Variants in FKTN observed in about 807,000 individuals in gnomAD.
The protein encoded by FKTN is ribitol-5-phosphate transferase FKTN.
FKTN carries 47 observed loss-of-function variants against 58.6 expected under a neutral mutation model. That is an observed-to-expected ratio of 0.80 (90% CI 0.63 to 1.02). FKTN has a LOEUF of 1.02. Among genes scored for constraint, FKTN ranks in the 50% least tolerant of loss-of-function variants. The pLI is 0.00. For synonymous variants in FKTN, 178 were observed against 191.9 expected, an observed-to-expected ratio of 0.93 and a Z score of 0.60; for missense variants, 516 against 537.3, an observed-to-expected ratio of 0.96 and a Z score of 0.39.
At chr9:105,606,977 T>G (rs1238709912) in intron 6 of FKTN, among the ~76,000 whole-genome samples, 1 of 151,894 alleles carries the variant, frequency 6.6e-6, no homozygotes, top group African/African-American at 2.4e-5. Context: ...TTTTTGCCTG[T>G]TTTTTTCTTA....
intron 8 of FKTN, among the ~76,000 whole-genome samples, chr9:105,616,428 T>G (rs1830827999): frequency 6.6e-6 from 1 of 152,300 alleles, no homozygotes; most frequent in Non-Finnish European, 1.5e-5. Flanking sequence ...TATCACTAAC[T>G]AGACATCACT....
chr9:105,607,676 G>A, intron 6 of FKTN, 143 bp from the exon 7 acceptor site: 1 of 679,676 alleles, frequency 1.5e-6, no homozygotes, highest in Admixed American at 2.1e-5. Context: ...TGTTACATAG[G>A]TATACATGTG....
chr9:105,602,905 A>G (rs955708937), intron 5 of FKTN, among the ~76,000 whole-genome samples: 10 of 152,052 alleles, frequency 6.6e-5, no homozygotes, highest in African/African-American at 1.9e-4. Flanking sequence ...ACATCCCCCA[A>G]TGTGGAGCTA....
At position 105,617,547 on chromosome 9, in the gene FKTN, C is replaced by T. The variant is rs183978210; in HGVS notation, c.911-412C>T. Among the ~76,000 whole-genome samples, 43 of 152,272 alleles carry T rather than the reference C, an allele frequency of 2.8e-4. No individual in the cohort carries two copies. In the East Asian group the frequency reaches 7.5e-3, roughly 27 times the overall value. On this transcript the variant is annotated intron_variant, in intron 8 of 10. Coordinates refer to ENST00000357998, the MANE Select transcript of FKTN (RefSeq NM_001079802.2). ...AATGATTAAACATTCTTATCAGCAA[C>T]TTAGTGTTATTAAAGCTAATGGTTT...
rs1831573869 is a variant in FKTN, at chr9:105,620,079, A to G, written c.1172+18A>G. On this transcript the variant is annotated intron_variant, in intron 10 of 10. Coordinates refer to ENST00000357998, the MANE Select transcript of FKTN (RefSeq NM_001079802.2). ...AAATTCAAGTATGAATCAAATAAGTACTTATTTATAAAGGTACTACAGAAA... is the reference window on the plus strand; with the variant it reads ...AAATTCAAGTATGAATCAAATAAGTGCTTATTTATAAAGGTACTACAGAAA... 6.3e-7 allele frequency: 1 copy of G among 1,598,314 alleles called. No individual in the cohort carries two copies. The highest frequency in any genetic ancestry group is 1.3e-5 in the African/African-American group (1 of 74,660).
intron 5 of FKTN, among the ~76,000 whole-genome samples, chr9:105,602,884 TC>T (rs747313355): frequency 6.6e-6 from 1 of 152,008 alleles, no homozygotes; most frequent in African/African-American, 2.4e-5. Flanking sequence ...CCTTGGATAG[TC>T]CCCCCTAAAA....
intron 3 of FKTN, 48 bp downstream of exon 3, chr9:105,575,185 A>G: frequency 9.6e-7 from 1 of 1,036,622 alleles, no homozygotes; most frequent in Non-Finnish European, 1.5e-6. Flanking sequence ...TTATCATTGT[A>G]TATTTTCTGA....
chr9:105,595,928 C>T (rs909551092), intron 3 of FKTN, among the ~76,000 whole-genome samples: 2 of 152,214 alleles, frequency 1.3e-5, no homozygotes, highest in African/African-American at 2.4e-5. Flanking sequence ...TCTAGAACAT[C>T]AGACATTCTT....
chr9:105,621,154 G>A (rs1280014395), intron 10 of FKTN, among the ~76,000 whole-genome samples: 1 of 152,080 alleles, frequency 6.6e-6, no homozygotes, highest in Non-Finnish European at 1.5e-5. Flanking sequence ...TGGGAAGTGT[G>A]AAGTGTTCTG....
chr9:105,559,889 A>G (rs1347212016), intron 1 of FKTN, among the ~76,000 whole-genome samples: 1 of 152,008 alleles, frequency 6.6e-6, no homozygotes, highest in Non-Finnish European at 1.5e-5. Flanking sequence ...CACAGAGAGG[A>G]GGTTGGAGAA....
At chr9:105,608,961 G>A (rs1282165393) in intron 7 of FKTN, among the ~76,000 whole-genome samples, 2 of 152,176 alleles carry the variant, frequency 1.3e-5, no homozygotes, top group African/African-American at 4.8e-5. Context: ...AAACTTGACC[G>A]CTCTTCCTGT....
At chr9:105,565,233 G>A (rs1554683244) in intron 1 of FKTN, among the ~76,000 whole-genome samples, 1 of 152,156 alleles carries the variant, frequency 6.6e-6, no homozygotes, top group Non-Finnish European at 1.5e-5. Flanking sequence ...GGCAGAAACT[G>A]CATCAACTAA....
intron 3 of FKTN, among the ~76,000 whole-genome samples, chr9:105,587,751 G>C (rs943901061): frequency 4.6e-5 from 7 of 152,048 alleles, no homozygotes; most frequent in Admixed American, 4.6e-4. Flanking sequence ...CAAACATTAG[G>C]CTGTGTAGGT....
Position 105,637,332 on chromosome 9 carries a change from C to A in FKTN, c.*2068C>A. The A allele has an allele frequency of 4.1e-6, 4 of 985,128 alleles. No individual in the cohort carries two copies. The highest frequency in any genetic ancestry group is 4.8e-6 in the Non-Finnish European group (4 of 829,736). 61.0% of individuals were successfully genotyped at this position (985,128 alleles called of 1,614,324 possible). ...ACAAAGTCTTAAGAGTGTCTGAAAT[C>A]CAAGACATCTTGGCCCAATTGACAC... On this transcript the variant is annotated 3_prime_UTR_variant, in exon 11 of 11. Transcript: ENST00000357998.
chr9:105,569,304 T>G (rs1213666942), intron 1 of FKTN, among the ~76,000 whole-genome samples: 1 of 151,998 alleles, frequency 6.6e-6, no homozygotes, highest in Non-Finnish European at 1.5e-5. Flanking sequence ...AAAAAATAAG[T>G]AAATAAAAAA....
At chr9:105,622,950 T>C (rs966819093) in intron 10 of FKTN, 1 of 152,252 alleles carries the variant, frequency 6.6e-6, no homozygotes, top group East Asian at 1.9e-4. Context: ...CCGTCTTTAG[T>C]TCTCAGTCTT....
chr9:105,640,104 A>G lies in FKTN; in HGVS notation c.*4840A>G. On this transcript the variant is annotated 3_prime_UTR_variant, in exon 11 of 11. Transcript: ENST00000357998. ...TTTCTGTTTCTATCTCAACTAGGCA[A>G]GAATCAGCAGGGTGCATGATGCCAT... 1 of 1,535,324 alleles carries G rather than the reference A, an allele frequency of 6.5e-7. No homozygotes were observed.
chr9:105,596,561 T>C lies in FKTN; in HGVS notation c.106-37T>C, dbSNP rs1476625163. 6 of 1,455,490 alleles carry C rather than the reference T, an allele frequency of 4.1e-6. No individual in the cohort carries two copies. In the South Asian group the frequency reaches 5.7e-5, roughly 14 times the overall value. The allele number at this position is 1,455,490 out of a possible 1,614,324, so 90.2% of individuals were successfully genotyped here. A position where few individuals can be genotyped will look rare whatever the true frequency, so the allele number is the denominator to read the frequency against. ...GAAATGTAATGTTGCATGCTGGACT[T>C]TGAATTTACTAAAAAGTTCTTTTGT... On this transcript the variant is annotated intron_variant, in intron 3 of 10. Coordinates refer to ENST00000357998, the MANE Select transcript of FKTN (RefSeq NM_001079802.2).
intron 4 of FKTN, chr9:105,600,826 C>G (rs1461993030): frequency 5.2e-6 from 1 of 192,844 alleles, no homozygotes; most frequent in African/African-American, 2.4e-5. Flanking sequence ...ATACCACTTC[C>G]TCTGTGAAAT....
Sources: allele counts gnomAD v4.1 joint callset (sites outside exome capture counted in the v4.1 genomes callset), GRCh38; gene constraint gnomAD v4.1.1; transcripts MANE v1.5; gene names NCBI Gene and HGNC (gene_info 2026-07-23, HGNC 2026-07-21).